The following LHFPL4 variants were observed in gnomAD, a reference collection of about 807,000 sequenced individuals.
LHFPL4 encodes LHFPL tetraspan subfamily member 4 protein.
LHFPL4 carries 6 observed loss-of-function variants against 20.0 expected under a neutral mutation model. The observed-to-expected ratio is 0.30, with a 90% CI of 0.16 to 0.59. The LOEUF (loss-of-function observed/expected upper bound fraction) is 0.59. Among genes scored for constraint, LHFPL4 ranks in the 20% least tolerant of loss-of-function variants. The probability of loss-of-function intolerance (pLI) is 0.88; values close to 1 mark genes in which losing one functional copy is unlikely to be tolerated. For synonymous variants in LHFPL4, 129 were observed against 143.8 expected (o/e 0.90, Z 0.74); for missense variants, 215 against 331.2 (o/e 0.65, Z 2.72).
intron 3 of LHFPL4, among the ~76,000 whole-genome samples, chr3:9,504,183 C>T (rs2046199517): frequency 1.3e-5 from 2 of 152,046 alleles, no homozygotes; most frequent in East Asian, 1.9e-4. Flanking sequence ...CCAGCCTGGC[C>T]AACATGGTGA....
chr3:9,519,535 T>C (rs541856919), intron 2 of LHFPL4, among the ~76,000 whole-genome samples: 1 of 152,294 alleles, frequency 6.6e-6, no homozygotes, highest in African/African-American at 2.4e-5. Context: ...ATGCTCTAAC[T>C]TTTGTTTCTC....
intron 2 of LHFPL4, among the ~76,000 whole-genome samples, chr3:9,546,356 G>A (rs2125667853): frequency 6.6e-6 from 1 of 151,452 alleles, no homozygotes; most frequent in African/African-American, 2.4e-5. Flanking sequence ...CACACAACTG[G>A]AAGGCTGAAA....
In LHFPL4 at chr3:9,511,627, G is replaced by A. The variant is rs1395313760; in HGVS notation, c.407-5424C>T. ...CCATAAATAGAAAAACACTATAAAT[G>A]TAGGTATAATGAAATCAAAACAATG... On this transcript the variant is annotated intron_variant, in intron 2 of 3. Transcript: ENST00000287585. Among the ~76,000 whole-genome samples, 2 of 152,202 alleles carry A rather than the reference G, an allele frequency of 1.3e-5. 1 individual carries two copies. The highest frequency in any genetic ancestry group is 4.8e-5 in the African/African-American group (2 of 41,464).
chr3:9,510,123 T>A (rs2046247463), intron 2 of LHFPL4, among the ~76,000 whole-genome samples: 1 of 152,202 alleles, frequency 6.6e-6, no homozygotes, highest in African/African-American at 2.4e-5. Context: ...ACCCACCAGA[T>A]GCCAGGGGCA....
chr3:9,501,491 C>T lies in LHFPL4; in HGVS notation c.*720G>A, dbSNP rs1384635132. ...CAGGCCAGCCCGGGCTGAGCAGCTT[C>T]TAAGCTCCAACTGCCGAGGCCACGT... On this transcript the variant is annotated 3_prime_UTR_variant, in exon 4 of 4. Coordinates refer to ENST00000287585, the MANE Select transcript of LHFPL4 (RefSeq NM_198560.3). 2 of 152,814 alleles carry T rather than the reference C, an allele frequency of 1.3e-5. No individual in the cohort carries two copies. Among genetic ancestry groups the T allele is most frequent in the African/African-American group, 4.8e-5 (2 of 41,454 alleles). The allele number at this position is 152,814 out of a possible 1,614,324, so 9.5% of individuals were successfully genotyped here. A position where few individuals can be genotyped will look rare whatever the true frequency, so the allele number is the denominator to read the frequency against.
intron 2 of LHFPL4, among the ~76,000 whole-genome samples, chr3:9,507,027 G>A (rs1447114780): frequency 1.3e-5 from 2 of 152,230 alleles, no homozygotes; most frequent in East Asian, 1.9e-4. Context: ...CCAATGATAG[G>A]ACTTAGCCTA....
chr3:9,512,178 G>A (rs1166337244), intron 2 of LHFPL4, among the ~76,000 whole-genome samples: 1 of 152,178 alleles, frequency 6.6e-6, no homozygotes, highest in Non-Finnish European at 1.5e-5. Flanking sequence ...TGATCCACCC[G>A]CCTTGGCCTC....
chr3:9,537,777 T>C (rs1431958312), intron 2 of LHFPL4, among the ~76,000 whole-genome samples: 2 of 152,124 alleles, frequency 1.3e-5, no homozygotes, highest in Non-Finnish European at 1.5e-5. Context: ...AAGGTTGCTG[T>C]TCCCTAGGCT....
intron 2 of LHFPL4, among the ~76,000 whole-genome samples, chr3:9,515,634 A>G (rs1301641011): frequency 6.6e-6 from 1 of 151,944 alleles, no homozygotes; most frequent in African/African-American, 2.4e-5. Flanking sequence ...GGCCTCCCAA[A>G]GTGCTGGGAT....
intron 2 of LHFPL4, among the ~76,000 whole-genome samples, chr3:9,514,498 T>C (rs1259658571): frequency 1.3e-5 from 2 of 152,178 alleles, no homozygotes; most frequent in East Asian, 3.9e-4. Context: ...TGAGACAACA[T>C]TGACACATTA....
chr3:9,527,911 G>A (rs1476428192), intron 2 of LHFPL4, among the ~76,000 whole-genome samples: 1 of 150,226 alleles, frequency 6.7e-6, no homozygotes, highest in African/African-American at 2.5e-5. Context: ...AACAAATATT[G>A]CAATAAAGCA....
chr3:9,512,547 A>T (rs922326509), intron 2 of LHFPL4, among the ~76,000 whole-genome samples: 5 of 152,176 alleles, frequency 3.3e-5, no homozygotes, highest in Admixed American at 2.0e-4. Context: ...TTGCCACAAT[A>T]TCTATTCATC....
At chr3:9,546,669 AG>A (rs1296019356) in intron 2 of LHFPL4, among the ~76,000 whole-genome samples, 3 of 152,166 alleles carry the variant, frequency 2.0e-5, no homozygotes, top group Non-Finnish European at 1.5e-5. Context: ...TGGATTGATA[AG>A]ACTCTTTCCA....
At chr3:9,503,044 C>G (rs1485535389) in intron 3 of LHFPL4, among the ~76,000 whole-genome samples, 1 of 151,996 alleles carries the variant, frequency 6.6e-6, no homozygotes, top group East Asian at 1.9e-4. Flanking sequence ...TTTGTTACAT[C>G]GCCCAGACTG....
intron 2 of LHFPL4, among the ~76,000 whole-genome samples, chr3:9,524,271 T>A (rs1275551456): frequency 6.6e-6 from 1 of 151,978 alleles, no homozygotes; most frequent in African/African-American, 2.4e-5. Context: ...GCTTCTTGGA[T>A]GTATGGTTTG....
chr3:9,543,294 G>A (rs909759574), intron 2 of LHFPL4, among the ~76,000 whole-genome samples: 18 of 151,956 alleles, frequency 1.2e-4, no homozygotes, highest in African/African-American at 4.1e-4. Context: ...GAGGTCAGGA[G>A]ATCGAGACCA....
intron 3 of LHFPL4, among the ~76,000 whole-genome samples, chr3:9,503,940 C>T (rs768805354): frequency 4.6e-5 from 7 of 152,200 alleles, no homozygotes; most frequent in South Asian, 2.1e-4. Context: ...GCAGGAGAAT[C>T]GCTTAAGCCC....
chr3:9,540,445 C>G (rs2046470047), intron 2 of LHFPL4, among the ~76,000 whole-genome samples: 1 of 152,162 alleles, frequency 6.6e-6, no homozygotes. Flanking sequence ...TAGGAACTTA[C>G]TTCTTGTAAT....
chr3:9,524,119 C>T (rs1412038397), intron 2 of LHFPL4, among the ~76,000 whole-genome samples: 1 of 150,436 alleles, frequency 6.6e-6, no homozygotes, highest in Admixed American at 6.6e-5. Context: ...TGGTTTGTTT[C>T]TTGTTTTCCT....
Sources: gnomAD v4.1 joint callset for allele counts (sites outside exome capture counted in the v4.1 genomes callset) on GRCh38, gnomAD v4.1.1 for gene constraint, MANE v1.5 for transcripts, NCBI Gene and HGNC (gene_info 2026-07-23, HGNC 2026-07-21) for gene names.